The following RIMBP2 variants were observed in gnomAD, a reference collection of about 807,000 sequenced individuals.
RIMBP2 encodes the protein RIMS binding protein 2.
RIMBP2 carries 48 observed loss-of-function variants against 118.6 expected under a neutral mutation model. That is an observed-to-expected ratio of 0.40 (90% CI 0.32 to 0.51). The LOEUF is 0.51. Among genes scored for constraint, RIMBP2 ranks in the 20% least tolerant of loss-of-function variants. RIMBP2 has a pLI of 0.41. For synonymous variants in RIMBP2, 762 were observed against 742.9 expected (o/e 1.03, Z -0.42); for missense variants, 1,551 against 1,768.3 (o/e 0.88, Z 2.20).
rs2081677053 is a variant in RIMBP2 at position 130,478,840 on chromosome 12, C to T, written c.102+72G>A. ...CCAAGGCCGCAGGTCGGCCGCTCCA[C>T]CACACCAGGGATCCCCGGCCCACCC... is the stretch of plus-strand genomic sequence containing the variant. On this transcript the variant is annotated intron_variant, in intron 5 of 22. Coordinates refer to ENST00000690449, the MANE Select transcript of RIMBP2 (RefSeq NM_001393629.1). The T allele has an allele frequency of 3.4e-6, 4 of 1,160,556 alleles. No homozygotes were observed. The East Asian group carries it at 7.1e-5, about 21-fold the overall frequency. 71.9% of individuals were successfully genotyped at this position (1,160,556 alleles called of 1,614,324 possible). A position where few individuals can be genotyped will look rare whatever the true frequency, so the allele number is the denominator to read the frequency against.
intron 1 of RIMBP2, among the ~76,000 whole-genome samples, chr12:130,638,420 G>A (rs775877721): frequency 2.0e-5 from 3 of 152,174 alleles, no homozygotes; most frequent in African/African-American, 4.8e-5. Flanking sequence ...TCGGGGTCCC[G>A]AAGCCCCGAG....
intron 2 of RIMBP2, among the ~76,000 whole-genome samples, chr12:130,582,363 T>C (rs1399508310): frequency 1.3e-5 from 2 of 152,106 alleles, no homozygotes; most frequent in Non-Finnish European, 2.9e-5. Context: ...GGTGAAGAAG[T>C]GGGAGCTCAG....
intron 1 of RIMBP2, among the ~76,000 whole-genome samples, chr12:130,632,136 G>A (rs931309170): frequency 5.9e-5 from 9 of 152,188 alleles, no homozygotes; most frequent in African/African-American, 2.2e-4. Context: ...AAATAAAAGA[G>A]ACGTTTCTAA....
At chr12:130,399,526 G>A in intron 22 of RIMBP2, among the ~76,000 whole-genome samples, 153 bp downstream of exon 22, 1 of 152,048 alleles carries the variant, frequency 6.6e-6, no homozygotes, top group East Asian at 1.9e-4. Flanking sequence ...GAATTTTTAG[G>A]TACAACTCCC....
chr12:130,656,893 A>G (rs1167632155), intron 1 of RIMBP2, among the ~76,000 whole-genome samples: 1 of 151,988 alleles, frequency 6.6e-6, no homozygotes, highest in Non-Finnish European at 1.5e-5. Context: ...TGGGCAACAG[A>G]ATGATACCCT....
chr12:130,415,249 AT>A (rs2076029918), intron 17 of RIMBP2, among the ~76,000 whole-genome samples: 1 of 152,250 alleles, frequency 6.6e-6, no homozygotes. Context: ...GGTTCAACAT[AT>A]GCAAATCAAT....
At position 130,442,431 on chromosome 12, in the gene RIMBP2, G is replaced by A. The variant is rs372032522; in HGVS notation, c.921C>T (p.Asp307=). 1.9e-5 allele frequency: 30 copies of A among 1,614,044 alleles called. No homozygotes were observed. The highest frequency in any genetic ancestry group is 3.3e-4 in the Middle Eastern group (2 of 6,084). The change falls in exon 11 of 23, where the codon GAC becomes GAT. Residue 307 remains aspartate (D), a synonymous_variant. Coordinates refer to ENST00000690449, the MANE Select transcript of RIMBP2 (RefSeq NM_001393629.1). The surrounding 1 kb of genome is among the most constrained non-coding windows in gnomAD (Gnocchi z 6.9). ...NSAGTLDVNI[D]DIGEDIVPYP... ...AAGGCACGATGTCTTCTCCGATGTC[G>A]TCGATGTTCACGTCCAGGGTCCCGG...
At chr12:130,509,726 G>GCCCCCCCCCCCCCCCCCCCCCCCC (rs376491702) in intron 3 of RIMBP2, among the ~76,000 whole-genome samples, 1 of 148,034 alleles carries the variant, frequency 6.8e-6, no homozygotes, top group African/African-American at 2.6e-5. Flanking sequence ...CATGCCCTCT[G>GCCCCCCCCCCCCCCCCCCCCCCCC]CCCCCCCGCC....
At chr12:130,548,890 C>G (rs182617112) in intron 2 of RIMBP2, among the ~76,000 whole-genome samples, 110 of 152,164 alleles carry the variant, frequency 7.2e-4, no homozygotes, top group Non-Finnish European at 1.0e-3. Flanking sequence ...CCCAGCCTAC[C>G]TCTTGGACTT....
chr12:130,398,156 G>A (rs532618025), intron 22 of RIMBP2: 1 of 152,536 alleles, frequency 6.6e-6, no homozygotes, highest in Non-Finnish European at 1.5e-5. Context: ...TCAGTAGATA[G>A]CACATGGTAG....
At chr12:130,462,989 C>T (rs2080141771) in intron 6 of RIMBP2, among the ~76,000 whole-genome samples, 1 of 152,228 alleles carries the variant, frequency 6.6e-6, no homozygotes, top group African/African-American at 2.4e-5. Flanking sequence ...TGCACCTTTC[C>T]TTTAGGCTCC....
chr12:130,541,189 T>C (rs2054570663), intron 2 of RIMBP2, among the ~76,000 whole-genome samples: 1 of 152,228 alleles, frequency 6.6e-6, no homozygotes, highest in Non-Finnish European at 1.5e-5. Flanking sequence ...TCTCTGTCTA[T>C]GGAGCAGGCA....
rs76271727 is a variant in RIMBP2 at position 130,543,519 on chromosome 12, G to A, written c.-216-25602C>T. ...ACAGAAAGGGTAGGTAGACCAGCAG[G>A]CTGAAGAGGCAGTGAGCTTGGGGAC... is the stretch of plus-strand genomic sequence containing the variant. On this transcript the variant is annotated intron_variant, in intron 2 of 22. Coordinates refer to ENST00000690449, the MANE Select transcript of RIMBP2 (RefSeq NM_001393629.1). Among the ~76,000 whole-genome samples, 1,457 of 152,308 alleles carry A rather than the reference G, an allele frequency of 9.6e-3. 29 individuals are homozygous for A. The highest frequency in any genetic ancestry group is 0.033 in the African/African-American group (1,378 of 41,560).
intron 4 of RIMBP2, among the ~76,000 whole-genome samples, chr12:130,496,913 G>A (rs2049225168): frequency 6.6e-6 from 1 of 152,142 alleles, no homozygotes; most frequent in African/African-American, 2.4e-5. Flanking sequence ...GTATACACTG[G>A]GGGCTTAAAA....
intron 5 of RIMBP2, among the ~76,000 whole-genome samples, chr12:130,471,308 A>G (rs1392663945): frequency 1.3e-5 from 2 of 152,248 alleles, no homozygotes; most frequent in African/African-American, 4.8e-5. Context: ...GCCCAGGCAA[A>G]GGGCAGATTC....
chr12:130,659,143 C>A (rs2063548051), intron 1 of RIMBP2, among the ~76,000 whole-genome samples: 1 of 152,162 alleles, frequency 6.6e-6, no homozygotes, highest in Non-Finnish European at 1.5e-5. Flanking sequence ...ACCGTGTCAG[C>A]CACCTGCATA....
chr12:130,480,376 G>A (rs1192744202), intron 4 of RIMBP2, among the ~76,000 whole-genome samples: 1 of 152,090 alleles, frequency 6.6e-6, no homozygotes, highest in Non-Finnish European at 1.5e-5. Flanking sequence ...CCTTCCGATG[G>A]CATATACCCC....
At chr12:130,428,388 A>G (rs767073131) in intron 14 of RIMBP2, 51 bp from the exon 15 acceptor site, 5 of 1,553,268 alleles carry the variant, frequency 3.2e-6, no homozygotes, top group South Asian at 1.2e-5. Flanking sequence ...CCCGCATCCT[A>G]CAAGAGGCCA....
chr12:130,582,283 T>C (rs898776625), intron 2 of RIMBP2, among the ~76,000 whole-genome samples: 39 of 152,204 alleles, frequency 2.6e-4, no homozygotes, highest in African/African-American at 9.2e-4. Flanking sequence ...CTGTGCCTGG[T>C]ACATAGTGGA....
Sources: gnomAD v4.1 joint callset for allele counts (sites outside exome capture counted in the v4.1 genomes callset) on GRCh38, gnomAD v4.1.1 for gene constraint, Gnocchi (gnomAD v3.1) non-coding constraint, MANE v1.5 for transcripts, NCBI Gene and HGNC (gene_info 2026-07-23, HGNC 2026-07-21) for gene names.